The following RIMS2 variants were observed in gnomAD, a reference collection of about 807,000 sequenced individuals.
The protein encoded by RIMS2 is regulating synaptic membrane exocytosis 2.
A neutral mutation model predicts 174.4 loss-of-function variants in RIMS2; 59 were observed. The ratio of observed to expected loss-of-function variants is 0.34; its 90% confidence interval spans 0.27 to 0.42. The LOEUF (loss-of-function observed/expected upper bound fraction) is 0.42, where lower values mean the gene tolerates loss of function less well. RIMS2 is among the 10% of genes least tolerant of loss of function. The pLI is 1.00. For missense variants in RIMS2, 1,620 were observed against 1,666.3 expected (o/e 0.97, Z 0.48); for synonymous variants, 606 against 572.5 (o/e 1.06, Z -0.84).
intron 15 of RIMS2, among the ~76,000 whole-genome samples, chr8:103,968,487 G>T: frequency 1.3e-5 from 2 of 148,920 alleles, no homozygotes; most frequent in Non-Finnish European, 1.5e-5. Context: ...TCCTTCCTTG[G>T]CATATCAGTT....
At chr8:104,078,093 G>A (rs184486410) in intron 19 of RIMS2, among the ~76,000 whole-genome samples, 6 of 150,822 alleles carry the variant, frequency 4.0e-5, no homozygotes, top group African/African-American at 7.3e-5. Flanking sequence ...GCAATGAGCC[G>A]AGATCGCTGC....
chr8:103,675,079 T>G (rs1314851386), intron 1 of RIMS2, among the ~76,000 whole-genome samples: 3 of 152,068 alleles, frequency 2.0e-5, no homozygotes, highest in Non-Finnish European at 4.4e-5. Context: ...GCCGGCTAAT[T>G]TTTTGTATTT....
At chr8:103,894,313 C>T (rs1344179683) in intron 4 of RIMS2, among the ~76,000 whole-genome samples, 3 of 151,538 alleles carry the variant, frequency 2.0e-5, no homozygotes, top group Non-Finnish European at 4.4e-5. Context: ...GTAGAAATAT[C>T]TTCTAAGGTC....
chr8:104,077,707 G>A (rs2097325358), intron 19 of RIMS2, among the ~76,000 whole-genome samples: 1 of 141,532 alleles, frequency 7.1e-6, no homozygotes, highest in African/African-American at 2.6e-5. Flanking sequence ...TTTAGGGTAT[G>A]AGTAAGTGTA....
chr8:103,672,047 T>TA (rs2096751350), intron 1 of RIMS2, among the ~76,000 whole-genome samples: 1 of 152,064 alleles, frequency 6.6e-6, no homozygotes, highest in African/African-American at 2.4e-5. Flanking sequence ...TTAAAACAAT[T>TA]AAAACAGGAT....
chr8:103,836,817 T>C (rs964389267), intron 3 of RIMS2, among the ~76,000 whole-genome samples: 1 of 152,198 alleles, frequency 6.6e-6, no homozygotes, highest in Non-Finnish European at 1.5e-5. Context: ...ACTATTACCA[T>C]ATTTCCCATG....
At chr8:104,129,792 T>G (rs926058192) in intron 19 of RIMS2, among the ~76,000 whole-genome samples, 2 of 152,246 alleles carry the variant, frequency 1.3e-5, no homozygotes, top group African/African-American at 4.8e-5. Flanking sequence ...AGGTTATAAG[T>G]GACTTTGGAA....
At chr8:103,774,091 G>A (rs536236708) in intron 3 of RIMS2, among the ~76,000 whole-genome samples, 1 of 152,276 alleles carries the variant, frequency 6.6e-6, no homozygotes, top group Non-Finnish European at 1.5e-5. Flanking sequence ...GCAGTGAGCT[G>A]AGATTGCACC....
At chr8:103,810,762 G>C (rs897247778) in intron 3 of RIMS2, among the ~76,000 whole-genome samples, 2 of 152,116 alleles carry the variant, frequency 1.3e-5, no homozygotes, top group African/African-American at 4.8e-5. Flanking sequence ...TGTATTTATA[G>C]AATAGGTAGC....
At position 104,055,074 on chromosome 8, in the gene RIMS2, T is replaced by C. The variant is rs1449603256; in HGVS notation, c.3334+40459T>C. On this transcript the variant is annotated intron_variant, in intron 19 of 23. Transcript: ENST00000504942. ...GGTTTGGGGGGCATGATCACATGTG[T>C]TGTGTTTGGATCCTTTTAAGAATGT... Among the ~76,000 whole-genome samples the C allele has an allele frequency of 2.0e-5, 3 of 152,088 alleles. No individual in the cohort carries two copies. The East Asian group carries it at 5.8e-4, about 29-fold the overall frequency.
At chr8:104,048,877 T>C (rs1314986460) in intron 19 of RIMS2, among the ~76,000 whole-genome samples, 1 of 152,136 alleles carries the variant, frequency 6.6e-6, no homozygotes, top group East Asian at 1.9e-4. Context: ...TTTAGATAAA[T>C]ATCATTAACT....
exon 4 of RIMS2, chr8:103,886,122 G>A (rs2099199341): frequency 6.2e-7 from 1 of 1,613,006 alleles, no homozygotes; most frequent in Non-Finnish European, 8.5e-7. Flanking sequence ...GGTAAAATGC[G>A]CCAGATTTCG....
At chr8:103,920,773 A>T (rs1279287659) in intron 9 of RIMS2, 1 of 446,630 alleles carries the variant, frequency 2.2e-6, no homozygotes, top group Non-Finnish European at 4.5e-6. Context: ...GCGGATCACG[A>T]GGTCAGGAGA....
chr8:103,672,337 A>G (rs1288184892), intron 1 of RIMS2, among the ~76,000 whole-genome samples: 1 of 152,154 alleles, frequency 6.6e-6, no homozygotes, highest in African/African-American at 2.4e-5. Flanking sequence ...ATTATGAATT[A>G]TATTAAGCCA....
intron 1 of RIMS2, among the ~76,000 whole-genome samples, chr8:103,594,981 AT>A (rs887045119): frequency 1.3e-5 from 2 of 151,598 alleles, no homozygotes; most frequent in Admixed American, 1.3e-4. Context: ...GTTCATCTGC[AT>A]TTTTTTCATT....
chr8:103,757,004 T>A (rs1312669205), intron 2 of RIMS2, among the ~76,000 whole-genome samples: 52 of 130,588 alleles, frequency 4.0e-4, no homozygotes, highest in Middle Eastern at 3.7e-3. Flanking sequence ...TGTGTGTGTG[T>A]GTGTGTGAGA....
At chr8:103,538,180 A>G (rs1370620618) in intron 1 of RIMS2, among the ~76,000 whole-genome samples, 2 of 152,116 alleles carry the variant, frequency 1.3e-5, no homozygotes, top group East Asian at 1.9e-4. Context: ...CAAAGACCCA[A>G]TTAGATACAA....
At chr8:103,633,192 ATTTTT>A (rs150376641) in intron 1 of RIMS2, among the ~76,000 whole-genome samples, 1 of 134,928 alleles carries the variant, frequency 7.4e-6, no homozygotes, top group Non-Finnish European at 1.6e-5. Flanking sequence ...ACGCCCGGCT[ATTTTT>A]TTTTTTTTTT....
At chr8:103,664,708 G>C (rs1487552877) in intron 1 of RIMS2, among the ~76,000 whole-genome samples, 1 of 152,182 alleles carries the variant, frequency 6.6e-6, no homozygotes, top group Non-Finnish European at 1.5e-5. Context: ...CATTGTGGAA[G>C]ACAGTGTGAC....
Sources: gnomAD v4.1 joint callset for allele counts (sites outside exome capture counted in the v4.1 genomes callset) on GRCh38, gnomAD v4.1.1 for gene constraint, MANE v1.5 for transcripts, NCBI Gene and HGNC (gene_info 2026-07-23, HGNC 2026-07-21) for gene names.